Variants in PPME1 observed in about 807,000 individuals in gnomAD.
PPME1 encodes protein phosphatase methylesterase 1, also known as testicular secretory protein Li 39.
In PPME1, 17 loss-of-function variants were observed where a neutral mutation model predicts 56.9. That is an observed-to-expected ratio of 0.30 (90% CI 0.20 to 0.45). PPME1 has a LOEUF of 0.45. Among genes scored for constraint, PPME1 ranks in the 20% least tolerant of loss-of-function variants. The probability of loss-of-function intolerance (pLI) is 1.00; values close to 1 mark genes in which losing one functional copy is unlikely to be tolerated. For synonymous variants in PPME1, 122 were observed against 156.2 expected, an observed-to-expected ratio of 0.78 and a Z score of 1.63; for missense variants, 357 against 483.2, an observed-to-expected ratio of 0.74 and a Z score of 2.45.
At chr11:74,239,361 A>G (rs1859287015) in intron 9 of PPME1, 105 bp downstream of exon 9, 1 of 1,476,948 alleles carries the variant, frequency 6.8e-7, no homozygotes. Flanking sequence ...GCCATTAGGT[A>G]TTTTAGGGAG....
Position 74,221,219 on chromosome 11 carries a change from A to G in PPME1, c.289-1093A>G, listed in dbSNP as rs151127992. On this transcript the variant is annotated intron_variant, in intron 3 of 13. Coordinates refer to ENST00000328257, the MANE Select transcript of PPME1 (RefSeq NM_016147.3). The stretch of plus-strand genomic sequence containing the variant: ...TTCTATTATCTAGAGCAATCAAGCA[A>G]ATTCATACTATCTTTTCCACTTAAT... Among the ~76,000 whole-genome samples the G allele has an allele frequency of 8.2e-3, 1,251 of 152,234 alleles. 26 individuals are homozygous for G. The highest frequency in any genetic ancestry group is 0.029 in the African/African-American group (1,191 of 41,544).
intron 3 of PPME1, among the ~76,000 whole-genome samples, chr11:74,217,374 T>G (rs984632084): frequency 6.6e-6 from 1 of 151,884 alleles, no homozygotes. Flanking sequence ...AAACCCCGTC[T>G]CTTCTAAAAA....
intron 12 of PPME1, 35 bp from the exon 13 acceptor site, chr11:74,251,613 C>A: frequency 6.2e-7 from 1 of 1,607,428 alleles, no homozygotes; most frequent in South Asian, 1.1e-5. Flanking sequence ...CATCACTAAC[C>A]TTTATATGGC....
At chr11:74,207,072 A>G (rs2135628446) in intron 3 of PPME1, among the ~76,000 whole-genome samples, 1 of 152,324 alleles carries the variant, frequency 6.6e-6, no homozygotes, top group Non-Finnish European at 1.5e-5. Flanking sequence ...TATTTCTTTG[A>G]AGACTGCTTT....
chr11:74,199,148 T>G (rs981032156), intron 1 of PPME1, among the ~76,000 whole-genome samples: 2 of 152,198 alleles, frequency 1.3e-5, no homozygotes, highest in Non-Finnish European at 2.9e-5. Context: ...CCTATTTCTA[T>G]CAGCGCAAAT....
At chr11:74,202,106 A>G (rs1275103542) in intron 1 of PPME1, among the ~76,000 whole-genome samples, 4 of 152,220 alleles carry the variant, frequency 2.6e-5, no homozygotes, top group Admixed American at 2.6e-4. Context: ...TCTGCAATCC[A>G]AGGCAGAATA....
chr11:74,242,811 A>T (rs973456523), intron 9 of PPME1, among the ~76,000 whole-genome samples: 6 of 144,208 alleles, frequency 4.2e-5, no homozygotes, highest in Admixed American at 7.1e-5. Flanking sequence ...CCCGGGAGGC[A>T]GAGGTTGCAG....
At position 74,204,344 on chromosome 11, in the gene PPME1, T is replaced by C. The variant is rs779135586; in HGVS notation, c.196-9T>C. The C allele has an allele frequency of 1.3e-6, 2 of 1,598,296 alleles. No homozygotes were observed. The highest frequency in any genetic ancestry group is 1.7e-6 in the Non-Finnish European group (2 of 1,166,784). The stretch of plus-strand genomic sequence containing the variant: ...AAAACATAGATGTTTTATCTTTAAC[T>C]ATTCATACACTTTTCGAGTCTACAA... On this transcript the variant is annotated splice_polypyrimidine_tract_variant and intron_variant, in intron 2 of 13. Transcript: ENST00000328257.
chr11:74,204,034 T>C (rs1858251910), intron 2 of PPME1, among the ~76,000 whole-genome samples: 1 of 152,232 alleles, frequency 6.6e-6, no homozygotes, highest in Admixed American at 6.5e-5. Flanking sequence ...AATTAAATTC[T>C]TGAAACTGAT....
intron 5 of PPME1, among the ~76,000 whole-genome samples, chr11:74,229,217 A>G (rs532359265): frequency 1.3e-5 from 2 of 152,296 alleles, no homozygotes; most frequent in Admixed American, 6.5e-5. Flanking sequence ...GACACTTGCT[A>G]TATTTGGTTA....
At chr11:74,203,335 G>A (rs1282475995) in intron 1 of PPME1, among the ~76,000 whole-genome samples, 1 of 152,126 alleles carries the variant, frequency 6.6e-6, no homozygotes, top group Non-Finnish European at 1.5e-5. Flanking sequence ...GACTGAGGTA[G>A]GAATGATATT....
At chr11:74,200,357 TTGTGTGTGTGTGTGTGTGTG>T (rs71919163) in intron 1 of PPME1, among the ~76,000 whole-genome samples, 5 of 145,834 alleles carry the variant, frequency 3.4e-5, no homozygotes, top group Non-Finnish European at 6.0e-5. Context: ...GTCATGTGTT[TTGTGTGTGTGTGTGTGTGTG>T]TGTGTGTGTG....
At position 74,210,855 on chromosome 11, in the gene PPME1, T is replaced by TA. The variant is rs530424981; in HGVS notation, c.288+6412dup. On this transcript the variant is annotated intron_variant, in intron 3 of 13. Transcript: ENST00000328257. ...TAGCAGCATAAATGGACTAAGACAG[T>TA]AAGGGTGCAATTTTCAGTGTTATAC... 3.1e-3 allele frequency among the ~76,000 whole-genome samples: 477 copies of TA among 152,286 alleles called. 3 individuals carry two copies. In the Middle Eastern group the frequency reaches 0.034, roughly 11 times the overall value.
In PPME1 at chr11:74,203,729, C is replaced by T. The variant is rs1327084832; in HGVS notation, c.103C>T (p.Pro35Ser). Reference sequence around the variant, plus strand: ...TGTCTCTCTCTTTTTTTTCCTCAGCCCTGGAAGAAAGCGGGACTTTTCCCC... The same window carrying T: ...TGTCTCTCTCTTTTTTTTCCTCAGCTCTGGAAGAAAGCGGGACTTTTCCCC... Reference protein sequence around the residue: ...SQSGAKMRMGPGRKRDFSPVP... With the variant: ...SQSGAKMRMGSGRKRDFSPVP... Residue 35 changes from proline (P) to serine (S), a missense_variant and splice_region_variant, in exon 2 of 14, where the codon CCT (proline) becomes TCT (serine). Physicochemically the swap from Pro to Ser is moderately conservative, Grantham distance 74 (BLOSUM62 -1). This residue lies in a region of PPME1 where 175 missense variants were observed against 189.4 expected (regional missense o/e 0.92). Transcript: ENST00000328257. The T allele has an allele frequency of 1.9e-6, 3 of 1,606,656 alleles. No individual in the cohort carries two copies. Among genetic ancestry groups the T allele is most frequent in the Admixed American group, 3.4e-5 (2 of 58,942 alleles).
At chr11:74,181,030 CTTT>C (rs1005872237) in intron 1 of PPME1, among the ~76,000 whole-genome samples, 2 of 96,148 alleles carry the variant, frequency 2.1e-5, no homozygotes, top group Non-Finnish European at 3.9e-5. Context: ...ATTTTCTTCA[CTTT>C]TTTTTTTTTT....
chr11:74,194,587 A>G (rs1179277198), intron 1 of PPME1, among the ~76,000 whole-genome samples: 2 of 151,248 alleles, frequency 1.3e-5, no homozygotes, highest in Non-Finnish European at 2.9e-5. Flanking sequence ...TAATAATTAT[A>G]CACTATGATT....
chr11:74,252,745 GA>G (rs1180036598), intron 13 of PPME1, among the ~76,000 whole-genome samples: 1 of 152,152 alleles, frequency 6.6e-6, no homozygotes, highest in Non-Finnish European at 1.5e-5. Flanking sequence ...TGCCTCAAGG[GA>G]GGCAAAAATT....
intron 8 of PPME1, among the ~76,000 whole-genome samples, chr11:74,236,466 A>G (rs1485998191): frequency 6.6e-6 from 1 of 152,248 alleles, no homozygotes; most frequent in African/African-American, 2.4e-5. Context: ...ATAGTCACAA[A>G]ATAAACTTTA....
At chr11:74,179,272 C>T (rs543515752) in intron 1 of PPME1, among the ~76,000 whole-genome samples, 8 of 152,284 alleles carry the variant, frequency 5.3e-5, no homozygotes, top group Admixed American at 2.6e-4. Context: ...TGGCACCTGA[C>T]GTACTTGTTT....
Sources: gnomAD v4.1 joint callset for allele counts (sites outside exome capture counted in the v4.1 genomes callset) on GRCh38, gnomAD v4.1.1 for gene constraint, gnomAD v4.1.1 regional missense constraint, MANE v1.5 for transcripts, NCBI Gene and HGNC (gene_info 2026-07-23, HGNC 2026-07-21) for gene names.